FRMD4A: variants seen among roughly 807,000 people sequenced by gnomAD.
FRMD4A encodes FERM domain-containing protein 4A.
Under a neutral mutation model 129.1 loss-of-function variants are expected in FRMD4A, and 29 were observed. That is an observed-to-expected ratio of 0.22 (90% CI 0.17 to 0.31). FRMD4A has a LOEUF of 0.31. FRMD4A is among the 10% of genes least tolerant of loss of function. FRMD4A has a pLI of 1.00. For synonymous variants in FRMD4A, 634 were observed against 571.6 expected (o/e 1.11, Z -1.56); for missense variants, 1,272 against 1,375.8 (o/e 0.92, Z 1.19).
At chr10:13,656,166 C>A (rs888833864) in intron 22 of FRMD4A, among the ~76,000 whole-genome samples, 2 of 152,196 alleles carry the variant, frequency 1.3e-5, no homozygotes, top group Admixed American at 6.5e-5. Flanking sequence ...ATTAGCCAGT[C>A]TGCCCCCATC....
intron 15 of FRMD4A, among the ~76,000 whole-genome samples, chr10:13,681,319 T>C (rs2084562433): frequency 6.6e-6 from 1 of 152,158 alleles, no homozygotes; most frequent in Non-Finnish European, 1.5e-5. Context: ...CCGAAGCAAA[T>C]ATTTGTAAAC....
At chr10:13,669,953 C>T (rs187991714) in intron 17 of FRMD4A, among the ~76,000 whole-genome samples, 51 of 152,306 alleles carry the variant, frequency 3.3e-4, no homozygotes, top group Non-Finnish European at 5.7e-4. Flanking sequence ...GCTATGACCA[C>T]GGGGCGGTGG....
chr10:14,070,626 A>G lies in FRMD4A; in HGVS notation c.46-211714T>C, dbSNP rs565093016. On this transcript the variant is annotated intron_variant, in intron 2 of 24. Coordinates refer to ENST00000357447, the MANE Select transcript of FRMD4A (RefSeq NM_018027.5). ...ACCCTCATTCACCTTAGGGCTCTGA[A>G]GCTTCTTTGGTCTGTTATCTATGTT... Among the ~76,000 whole-genome samples, 18 of 152,278 alleles carry G rather than the reference A, an allele frequency of 1.2e-4. 1 individual carries two copies. The South Asian group carries it at 3.7e-3, about 32-fold the overall frequency.
At chr10:14,162,036 A>G (rs1840914168) in intron 2 of FRMD4A, among the ~76,000 whole-genome samples, 1 of 150,970 alleles carries the variant, frequency 6.6e-6, no homozygotes, top group African/African-American at 2.4e-5. Flanking sequence ...ATTTTATATA[A>G]TTTATTTAGA....
intron 2 of FRMD4A, among the ~76,000 whole-genome samples, chr10:14,328,860 G>A (rs891373552): frequency 1.7e-4 from 26 of 152,120 alleles, no homozygotes; most frequent in Admixed American, 1.6e-3. Context: ...ATTAGTAAGG[G>A]AAAGAAGTCA....
At chr10:13,824,939 A>G (rs2093679767) in intron 3 of FRMD4A, among the ~76,000 whole-genome samples, 1 of 151,862 alleles carries the variant, frequency 6.6e-6, no homozygotes. Context: ...GATGATTTCA[A>G]GTATACAGGA....
At chr10:13,686,315 A>G (rs190685218) in intron 15 of FRMD4A, among the ~76,000 whole-genome samples, 205 of 152,356 alleles carry the variant, frequency 1.3e-3, no homozygotes, top group African/African-American at 4.6e-3. Flanking sequence ...CGTGTGATTT[A>G]TATCAGCGCA....
chr10:14,285,498 A>G (rs1334483263), intron 2 of FRMD4A, among the ~76,000 whole-genome samples: 4 of 152,236 alleles, frequency 2.6e-5, no homozygotes, highest in Non-Finnish European at 5.9e-5. Flanking sequence ...CCATGGAGGC[A>G]TGTGGAAAGC....
intron 2 of FRMD4A, among the ~76,000 whole-genome samples, chr10:13,965,970 A>G (rs2095482945): frequency 6.6e-6 from 1 of 152,176 alleles, no homozygotes; most frequent in Non-Finnish European, 1.5e-5. Context: ...TGGCTTTCCT[A>G]CATTTGTAAC....
chr10:14,035,286 T>A (rs1239856266), intron 2 of FRMD4A, among the ~76,000 whole-genome samples: 1 of 151,662 alleles, frequency 6.6e-6, no homozygotes, highest in Non-Finnish European at 1.5e-5. Context: ...GTAGCAGGCA[T>A]CTGTAATCCC....
intron 2 of FRMD4A, among the ~76,000 whole-genome samples, chr10:14,061,875 G>A (rs1006357986): frequency 2.6e-5 from 4 of 152,164 alleles, no homozygotes; most frequent in African/African-American, 9.7e-5. Flanking sequence ...TGACATTACT[G>A]AGTTGCTGAC....
At chr10:14,183,682 AT>A (rs1841982342) in intron 2 of FRMD4A, among the ~76,000 whole-genome samples, 1 of 152,180 alleles carries the variant, frequency 6.6e-6, no homozygotes, top group Non-Finnish European at 1.5e-5. Context: ...AATGCACTCT[AT>A]TTTGCAAATT....
intron 2 of FRMD4A, among the ~76,000 whole-genome samples, chr10:14,048,824 T>TTAGAATAGAATAGAATAGAATAGAA (rs147080415): frequency 4.1e-5 from 5 of 121,974 alleles, no homozygotes; most frequent in African/African-American, 1.3e-4. Context: ...ATAGAATAGA[T>TTAGAATAGAATAGAATAGAATAGAA]TAGAATAGAA....
chr10:13,778,697 C>G (rs1272256800), intron 6 of FRMD4A, among the ~76,000 whole-genome samples: 1 of 151,770 alleles, frequency 6.6e-6, no homozygotes, highest in East Asian at 1.9e-4. Flanking sequence ...AAAATCCAGG[C>G]AGCGGTATCT....
chr10:13,735,101 G>C lies in FRMD4A; in HGVS notation c.759+2743C>G, dbSNP rs879651708. On this transcript the variant is annotated intron_variant, in intron 12 of 24. Transcript: ENST00000357447. ...TTGGCCAGGCTGGTCTCGAACTCCTGAACTCAAGTGATCCACCCGCCTCGG... is the reference window on the plus strand; with the variant it reads ...TTGGCCAGGCTGGTCTCGAACTCCTCAACTCAAGTGATCCACCCGCCTCGG... Among the ~76,000 whole-genome samples the C allele has an allele frequency of 1.2e-4, 18 of 152,172 alleles. 1 individual carries two copies. The highest frequency in any genetic ancestry group is 1.2e-3 in the Admixed American group (18 of 15,282).
chr10:13,935,446 CAAAAAAA>C (rs71388135), intron 2 of FRMD4A, among the ~76,000 whole-genome samples: 1 of 36,402 alleles, frequency 2.7e-5, no homozygotes, highest in Non-Finnish European at 4.6e-5. Flanking sequence ...AACTCCATCT[CAAAAAAA>C]AAAAAAAAAA....
intron 2 of FRMD4A, among the ~76,000 whole-genome samples, chr10:13,872,784 C>T (rs1232116837): frequency 2.0e-5 from 3 of 152,060 alleles, no homozygotes; most frequent in Non-Finnish European, 2.9e-5. Context: ...TTTGTCTGTT[C>T]GTTTGTTTGT....
intron 2 of FRMD4A, among the ~76,000 whole-genome samples, chr10:14,017,004 G>A (rs1358642226): frequency 3.3e-5 from 5 of 152,198 alleles, no homozygotes; most frequent in African/African-American, 9.7e-5. Context: ...GCCTCCACAC[G>A]AAGGTCCTTC....
chr10:14,141,727 G>T (rs866243049), intron 2 of FRMD4A, among the ~76,000 whole-genome samples: 31 of 152,254 alleles, frequency 2.0e-4, no homozygotes, highest in Middle Eastern at 6.8e-3. Context: ...TCCTTGCACT[G>T]CACCTGGTGG....
Sources: allele counts gnomAD v4.1 joint callset (sites outside exome capture counted in the v4.1 genomes callset), GRCh38; gene constraint gnomAD v4.1.1; transcripts MANE v1.5; gene names NCBI Gene and HGNC (gene_info 2026-07-23, HGNC 2026-07-21).